KCNH1: variants seen among roughly 807,000 people sequenced by gnomAD.
The protein encoded by KCNH1 is potassium voltage-gated channel subfamily H member 1.
KCNH1 carries 27 observed loss-of-function variants against 69.2 expected under a neutral mutation model. The ratio of observed to expected loss-of-function variants is 0.39; its 90% CI spans 0.29 to 0.54. KCNH1 has a LOEUF of 0.54. Among genes scored for constraint, KCNH1 ranks in the 20% least tolerant of loss-of-function variants. KCNH1 has a pLI of 0.68. For missense variants in KCNH1, 798 were observed against 1,261.6 expected (o/e 0.63, Z 5.57); for synonymous variants, 456 against 487.7 (o/e 0.93, Z 0.86).
At chr1:210,717,364 C>T (rs1327912187) in intron 10 of KCNH1, among the ~76,000 whole-genome samples, 1 of 152,232 alleles carries the variant, frequency 6.6e-6, no homozygotes, top group African/African-American at 2.4e-5. Context: ...AGTCCGCAGA[C>T]TGCACCTCAG....
intron 7 of KCNH1, among the ~76,000 whole-genome samples, chr1:210,832,007 T>G (rs764393724): frequency 2.6e-5 from 4 of 152,208 alleles, no homozygotes; most frequent in Non-Finnish European, 5.9e-5. Context: ...AATAGTTACG[T>G]GTGGTTAGTG....
chr1:210,845,891 C>T (rs2102459693), intron 7 of KCNH1, among the ~76,000 whole-genome samples: 1 of 152,306 alleles, frequency 6.6e-6, no homozygotes. Context: ...TCTCAGGATA[C>T]AAAATCAATG....
rs1691006584 is a variant in KCNH1 at position 211,089,065 on chromosome 1, A to C, written c.439+1497T>G. ...AAATAATACCAGCACATCACCTACA[A>C]ATGTTCCAGTAGTAATAAAAACAAA... On this transcript the variant is annotated intron_variant, in intron 4 of 10. Transcript: ENST00000271751. Among the ~76,000 whole-genome samples the C allele has an allele frequency of 4.6e-5, 7 of 152,326 alleles. 1 individual carries two copies. In the South Asian group the frequency reaches 1.5e-3, roughly 32 times the overall value.
At chr1:210,959,014 C>G (rs968856731) in intron 6 of KCNH1, among the ~76,000 whole-genome samples, 1 of 152,182 alleles carries the variant, frequency 6.6e-6, no homozygotes, top group African/African-American at 2.4e-5. Context: ...GAATTTTCAG[C>G]TTTTCTGCTC....
chr1:210,944,013 T>G (rs888585610), intron 6 of KCNH1, among the ~76,000 whole-genome samples: 1 of 152,026 alleles, frequency 6.6e-6, no homozygotes, highest in African/African-American at 2.4e-5. Context: ...GGCTCAGAAA[T>G]AAAACAAAGT....
intron 7 of KCNH1, among the ~76,000 whole-genome samples, chr1:210,901,833 A>G (rs1687001060): frequency 6.6e-6 from 1 of 152,240 alleles, no homozygotes; most frequent in African/African-American, 2.4e-5. Flanking sequence ...TTTATGTAAC[A>G]GGATCTAATA....
chr1:210,848,085 G>A (rs967201022), intron 7 of KCNH1, among the ~76,000 whole-genome samples: 1 of 152,194 alleles, frequency 6.6e-6, no homozygotes, highest in African/African-American at 2.4e-5. Context: ...GACTGTCAAA[G>A]AGAGTTATAG....
intron 7 of KCNH1, among the ~76,000 whole-genome samples, chr1:210,839,071 AG>A (rs1317147907): frequency 6.6e-6 from 1 of 152,212 alleles, no homozygotes; most frequent in African/African-American, 2.4e-5. Flanking sequence ...ATATACCCAA[AG>A]GAATATAAGT....
At chr1:210,983,355 T>C (rs969931131) in intron 6 of KCNH1, among the ~76,000 whole-genome samples, 6 of 152,236 alleles carry the variant, frequency 3.9e-5, no homozygotes, top group Admixed American at 1.3e-4. Context: ...CACGCCTATG[T>C]TCTGAATGGT....
chr1:210,879,620 G>T (rs997776722), intron 7 of KCNH1, among the ~76,000 whole-genome samples: 1 of 151,952 alleles, frequency 6.6e-6, no homozygotes, highest in Non-Finnish European at 1.5e-5. Flanking sequence ...ACCTGATAAA[G>T]AATATCTACA....
intron 5 of KCNH1, among the ~76,000 whole-genome samples, chr1:211,081,024 A>G (rs1301294817): frequency 5.3e-5 from 8 of 152,240 alleles, no homozygotes; most frequent in Non-Finnish European, 1.0e-4. Flanking sequence ...ATCAGAGTGA[A>G]CAGGCAACCT....
intron 10 of KCNH1, among the ~76,000 whole-genome samples, chr1:210,754,005 C>G (rs1683340110): frequency 1.3e-5 from 2 of 151,790 alleles, no homozygotes; most frequent in South Asian, 2.1e-4. Flanking sequence ...AGCCCCGCCT[C>G]CTGGGTTCAG....
In KCNH1 at chr1:210,683,063, G is replaced by A. The variant is rs895879440; in HGVS notation, c.*218C>T. 3.0e-5 allele frequency: 18 copies of A among 599,026 alleles called. No homozygotes were observed. Among genetic ancestry groups the A allele is most frequent in the African/African-American group, 9.1e-5 (5 of 54,760 alleles). The allele number at this position is 599,026 out of a possible 1,614,324, so 37.1% of individuals were successfully genotyped here. A position where few individuals can be genotyped will look rare whatever the true frequency, so the allele number is the denominator to read the frequency against. On this transcript the variant is annotated 3_prime_UTR_variant, in exon 11 of 11. Transcript: ENST00000271751. This position sits in a 1 kb window ranked among gnomAD's most constrained non-coding sequence, Gnocchi z 5.7. ...CCTTCTTCCAAAATTGTGCAAAGAC[G>A]GTTCAGATGCAGCTGCCACCTTGCA... is the stretch of plus-strand genomic sequence containing the variant.
chr1:210,722,535 T>C (rs1682495901), intron 10 of KCNH1, among the ~76,000 whole-genome samples: 1 of 152,188 alleles, frequency 6.6e-6, no homozygotes, highest in African/African-American at 2.4e-5. Context: ...GTAGTGTTGA[T>C]GGCACAGATG....
In KCNH1 at chr1:211,076,006, C is replaced by T. The variant is rs1032780889; in HGVS notation, c.558+6774G>A. 3.9e-5 allele frequency among the ~76,000 whole-genome samples: 6 copies of T among 152,306 alleles called. 1 individual carries two copies. In the South Asian group the frequency reaches 8.3e-4, roughly 21 times the overall value. ...AGCACAGCAGTCTGAGATTGACCTG[C>T]GAGGCAGCAGCCTGGCAGGGGGAGG... On this transcript the variant is annotated intron_variant, in intron 5 of 10. Transcript: ENST00000271751.
intron 6 of KCNH1, among the ~76,000 whole-genome samples, chr1:210,985,772 G>A (rs1688819672): frequency 6.6e-6 from 1 of 152,152 alleles, no homozygotes; most frequent in Non-Finnish European, 1.5e-5. Context: ...GAGTCGGGGT[G>A]GAGAGTTCTA....
intron 10 of KCNH1, among the ~76,000 whole-genome samples, chr1:210,766,110 G>C (rs531099800): frequency 2.6e-5 from 4 of 152,150 alleles, no homozygotes; most frequent in Non-Finnish European, 5.9e-5. Flanking sequence ...AAGATGGAGG[G>C]ACATGCCCAA....
chr1:211,009,050 C>A (rs1226769968), intron 6 of KCNH1, among the ~76,000 whole-genome samples: 2 of 152,082 alleles, frequency 1.3e-5, no homozygotes, highest in African/African-American at 4.8e-5. Context: ...AGCAAGTACC[C>A]CAAGGCCAGC....
At chr1:211,001,920 C>A (rs1286521332) in intron 6 of KCNH1, among the ~76,000 whole-genome samples, 1 of 151,792 alleles carries the variant, frequency 6.6e-6, no homozygotes, top group East Asian at 1.9e-4. Flanking sequence ...GGACAAAAAA[C>A]CAAACACCAC....
Sources: gnomAD v4.1 joint callset for allele counts (sites outside exome capture counted in the v4.1 genomes callset) on GRCh38, gnomAD v4.1.1 for gene constraint, Gnocchi (gnomAD v3.1) non-coding constraint, MANE v1.5 for transcripts, NCBI Gene and HGNC (gene_info 2026-07-23, HGNC 2026-07-21) for gene names.